Variants in NCOA6 observed in about 807,000 individuals in gnomAD.
The protein encoded by NCOA6 is NRC RAP250.
A neutral mutation model predicts 171.4 loss-of-function variants in NCOA6; 49 were observed. The observed-to-expected ratio is 0.29, with a 90% CI of 0.23 to 0.36. The LOEUF (loss-of-function observed/expected upper bound fraction) is 0.36, where lower values mean the gene tolerates loss of function less well. Ranked by LOEUF, NCOA6 falls within the 10% of genes least tolerant of loss-of-function variation. The probability of loss-of-function intolerance (pLI) is 1.00; values close to 1 mark genes in which losing one functional copy is unlikely to be tolerated. For missense variants in NCOA6, 2,248 were observed against 2,554.5 expected (o/e 0.88, Z 2.59); for synonymous variants, 910 against 927.5 (o/e 0.98, Z 0.34).
chr20:34,812,468 T>C (rs2078699188), intron 1 of NCOA6, among the ~76,000 whole-genome samples: 1 of 152,062 alleles, frequency 6.6e-6, no homozygotes, highest in Non-Finnish European at 1.5e-5. Flanking sequence ...TTAGGAAATA[T>C]TAACATTAAT....
chr20:34,823,465 T>G (rs985438602), intron 1 of NCOA6, among the ~76,000 whole-genome samples: 1 of 152,228 alleles, frequency 6.6e-6, no homozygotes, highest in Non-Finnish European at 1.5e-5. Context: ...CCGCATAATA[T>G]TTTTGTTCGC....
At chr20:34,718,771 G>A (rs188137592) in intron 14 of NCOA6, among the ~76,000 whole-genome samples, 2 of 152,082 alleles carry the variant, frequency 1.3e-5, no homozygotes, top group African/African-American at 4.8e-5. Context: ...CTCCCAGAAC[G>A]TTAGGATTAC....
intron 11 of NCOA6, 70 bp from the exon 12 acceptor site, chr20:34,736,828 A>C: frequency 2.2e-6 from 3 of 1,349,232 alleles, no homozygotes; most frequent in Non-Finnish European, 2.0e-6. Context: ...CATTAACCTA[A>C]TCAAGGGCTA....
At chr20:34,811,230 T>TATATATATATATATATATATAA (rs2078654556) in intron 1 of NCOA6, among the ~76,000 whole-genome samples, 1 of 139,470 alleles carries the variant, frequency 7.2e-6, no homozygotes, top group Non-Finnish European at 1.6e-5. Context: ...TATATATATA[T>TATATATATATATATATATATAA]ATATATGCTT....
At position 34,741,818 on chromosome 20, in the gene NCOA6, C is replaced by T. The variant is rs2076152739; in HGVS notation, c.4438G>A (p.Val1480Met). The T allele has an allele frequency of 6.2e-7, 1 of 1,614,036 alleles. No individual in the cohort carries two copies. Among genetic ancestry groups the T allele is most frequent in the Non-Finnish European group, 8.5e-7 (1 of 1,180,050 alleles). ...GGTGCTTCCCTCATAGCAGGAGACA[C>T]CAAATTTTTGTTCTCTTCGACACTG... ...LPSVEENKNL[V>M]SPAMREAPTS... Residue 1480 changes from valine (V) to methionine (M), a missense_variant, in exon 11 of 15, where the codon GTG (valine) becomes ATG (methionine). This residue lies in a region of NCOA6 where 884 missense variants were observed against 941.9 expected (regional missense o/e 0.94). Coordinates refer to ENST00000359003, the MANE Select transcript of NCOA6 (RefSeq NM_014071.5).
In NCOA6 at chr20:34,749,967, A is replaced by G; in HGVS notation, c.2228T>C (p.Ile743Thr). The G allele has an allele frequency of 6.2e-7, 1 of 1,614,174 alleles. No homozygotes were observed. The highest frequency in any genetic ancestry group is 8.5e-7 in the Non-Finnish European group (1 of 1,180,020). Residue 743 changes from isoleucine (I) to threonine (T), a missense_variant, in exon 9 of 15, where the codon ATA (isoleucine) becomes ACA (threonine). By Grantham distance (89) the Ile-to-Thr change is moderately conservative. Around this residue, in one of 7 missense-constraint regions of NCOA6, gnomAD observed 987 missense variants for 1,104.7 expected, o/e 0.89. Coordinates refer to ENST00000359003, the MANE Select transcript of NCOA6 (RefSeq NM_014071.5). Reference sequence around the variant, plus strand: ...CATGTTTGGAGTTGGTCCCCTCATTATCTGGGCTGGTCCCGGCATGACATT... The same window carrying G: ...CATGTTTGGAGTTGGTCCCCTCATTGTCTGGGCTGGTCCCGGCATGACATT... ...QSNVMPGPAQ[I>T]MRGPTPNMQG...
chr20:34,753,141 GT>G (rs2076541392), intron 8 of NCOA6, among the ~76,000 whole-genome samples: 1 of 150,546 alleles, frequency 6.6e-6, no homozygotes, highest in African/African-American at 2.4e-5. Flanking sequence ...TGCCTCCCAG[GT>G]TCAAGTGATC....
Position 34,732,614 on chromosome 20 carries a change from G to C in NCOA6, c.5963-19C>G. On this transcript the variant is annotated intron_variant, in intron 12 of 14. Transcript: ENST00000359003. The stretch of plus-strand genomic sequence containing the variant: ...TCCAGCTCTGCAAAAAAATATAAAG[G>C]ATAGAAATGAAATGTGGGAGCTGCC... The C allele has an allele frequency of 6.2e-7, 1 of 1,610,234 alleles. No homozygotes were observed. Among genetic ancestry groups the C allele is most frequent in the South Asian group, 1.1e-5 (1 of 90,906 alleles).
intron 14 of NCOA6, among the ~76,000 whole-genome samples, chr20:34,725,975 G>C (rs1353770631): frequency 6.6e-6 from 1 of 152,180 alleles, no homozygotes; most frequent in East Asian, 1.9e-4. Flanking sequence ...ATCCATTAGG[G>C]AGAAAATACG....
intron 1 of NCOA6, among the ~76,000 whole-genome samples, chr20:34,825,171 C>T (rs547488744): frequency 7.9e-5 from 12 of 152,004 alleles, no homozygotes; most frequent in Non-Finnish European, 1.6e-4. Context: ...GCCAGCCCTG[C>T]ACTCCCTCAG....
rs370614542 is a variant in NCOA6, at chr20:34,742,875, C to T, written c.3381G>A (p.Ala1127=). ...TTGCTTCAGGGAGTGAGGCCATCTC[C>T]GCCAGTGGCGAGCTGGAAGGATTCT... The part of the protein sequence containing the change: ...SPQNPSSSPL[A]EMASLPEASG... The change falls in exon 11 of 15, where the codon GCG becomes GCA. Residue 1127 remains alanine (A), a synonymous_variant. Coordinates refer to ENST00000359003, the MANE Select transcript of NCOA6 (RefSeq NM_014071.5). 2.4e-5 allele frequency: 39 copies of T among 1,614,162 alleles called. No homozygotes were observed. The highest frequency in any genetic ancestry group is 2.2e-4 in the East Asian group (10 of 44,888).
At chr20:34,775,672 CAAAAA>C (rs570763953) in intron 4 of NCOA6, among the ~76,000 whole-genome samples, 3 of 77,524 alleles carry the variant, frequency 3.9e-5, no homozygotes, top group Admixed American at 1.5e-4. Context: ...GACTCTGTCT[CAAAAA>C]AAAAAAAAAA....
At chr20:34,815,838 A>G (rs984938272) in intron 1 of NCOA6, among the ~76,000 whole-genome samples, 3 of 152,206 alleles carry the variant, frequency 2.0e-5, no homozygotes, top group Non-Finnish European at 2.9e-5. Flanking sequence ...GTCATTGACC[A>G]TCTGTTTTTC....
chr20:34,735,194 A>G (rs1401426020), intron 12 of NCOA6, among the ~76,000 whole-genome samples: 1 of 152,162 alleles, frequency 6.6e-6, no homozygotes, highest in Non-Finnish European at 1.5e-5. Flanking sequence ...TTGGGGCAGG[A>G]AATGGAATTC....
rs566166463 is a variant in NCOA6 at position 34,754,482 on chromosome 20, C to G, written c.1675+240G>C. On this transcript the variant is annotated intron_variant, in intron 8 of 14. Coordinates refer to ENST00000359003, the MANE Select transcript of NCOA6 (RefSeq NM_014071.5). ...TCTGCCCCTTCAGAGAAAAAAAATA[C>G]TGCTGATTCCTGCTCTAACTCAAGT... Among the ~76,000 whole-genome samples the G allele has an allele frequency of 3.3e-5, 5 of 152,266 alleles. No homozygotes were observed. The South Asian group carries it at 1.0e-3, about 32-fold the overall frequency.
chr20:34,799,147 G>T (rs1278811754), intron 1 of NCOA6, among the ~76,000 whole-genome samples: 1 of 152,032 alleles, frequency 6.6e-6, no homozygotes, highest in Non-Finnish European at 1.5e-5. Flanking sequence ...CAAAGGGACT[G>T]AAATAATTAA....
chr20:34,739,005 T>G (rs2076046691), intron 11 of NCOA6: 3 of 446,182 alleles, frequency 6.7e-6, no homozygotes, highest in Non-Finnish European at 1.4e-5. Flanking sequence ...TCTAGCAGTG[T>G]GTGACTGACT....
At chr20:34,761,564 G>A (rs566631460) in intron 5 of NCOA6, among the ~76,000 whole-genome samples, 13 of 151,840 alleles carry the variant, frequency 8.6e-5, no homozygotes, top group African/African-American at 2.7e-4. Context: ...TTACTGAAAC[G>A]TGCTCTTGGA....
At chr20:34,716,017 G>T (rs1988528137) in intron 14 of NCOA6, among the ~76,000 whole-genome samples, 1 of 152,104 alleles carries the variant, frequency 6.6e-6, no homozygotes, top group Non-Finnish European at 1.5e-5. Context: ...AGGAGTTTGA[G>T]ACTAGTTTGG....
Sources: gnomAD v4.1 joint callset for allele counts (sites outside exome capture counted in the v4.1 genomes callset) on GRCh38, gnomAD v4.1.1 for gene constraint, gnomAD v4.1.1 regional missense constraint, MANE v1.5 for transcripts, NCBI Gene and HGNC (gene_info 2026-07-23, HGNC 2026-07-21) for gene names.